ATP1B3: variants seen among roughly 807,000 people sequenced by gnomAD.
The protein encoded by ATP1B3 is ATPase Na+/K+ transporting subunit beta 3.
ATP1B3 carries 10 observed loss-of-function variants against 30.2 expected under a neutral mutation model. The observed-to-expected ratio is 0.33, with a 90% CI of 0.20 to 0.56. The LOEUF (loss-of-function observed/expected upper bound fraction) is 0.56, where lower values mean the gene tolerates loss of function less well. ATP1B3 is among the 20% of genes least tolerant of loss of function. The pLI is 0.90. For synonymous variants in ATP1B3, 113 were observed against 117.0 expected (o/e 0.97, Z 0.22); for missense variants, 238 against 336.7 (o/e 0.71, Z 2.29).
At position 141,907,229 on chromosome 3, in the gene ATP1B3, A is replaced by G. The variant is rs1934279000; in HGVS notation, c.301A>G (p.Thr101Ala). The part of the protein sequence containing the change: ...LEYTFSRSDP[T>A]SYAGYIEDLK... ...ATATACATTCAGTAGGTCTGATCCAACTTCGTATGCAGGGTACATTGAAGA... is the reference window on the plus strand; with the variant it reads ...ATATACATTCAGTAGGTCTGATCCAGCTTCGTATGCAGGGTACATTGAAGA... The change falls in exon 3 of 7, where the codon ACT becomes GCT. Residue 101 changes from threonine (T) to alanine (A), a missense_variant. Around this residue, in one of 3 missense-constraint regions of ATP1B3, gnomAD observed 130 missense variants for 148.8 expected, o/e 0.87. Transcript: ENST00000286371. 3.1e-6 allele frequency: 5 copies of G among 1,612,960 alleles called. No individual in the cohort carries two copies. Among genetic ancestry groups the G allele is most frequent in the Non-Finnish European group, 3.4e-6 (4 of 1,179,658 alleles).
intron 2 of ATP1B3, 84 bp downstream of exon 2, chr3:141,903,832 A>C: frequency 6.7e-7 from 1 of 1,492,236 alleles, no homozygotes; most frequent in Non-Finnish European, 9.1e-7. Flanking sequence ...CCCAGGCTGG[A>C]ATGCAGTGGC....
intron 1 of ATP1B3, among the ~76,000 whole-genome samples, chr3:141,885,917 A>ACACACACACC (rs1933822773): frequency 1.4e-5 from 2 of 147,314 alleles, no homozygotes; most frequent in African/African-American, 5.3e-5. Flanking sequence ...ACACACACAC[A>ACACACACACC]CACACACCCC....
intron 3 of ATP1B3, among the ~76,000 whole-genome samples, chr3:141,912,929 T>C (rs1357983171): frequency 1.3e-5 from 2 of 152,218 alleles, no homozygotes; most frequent in African/African-American, 4.8e-5. Flanking sequence ...CTAACTTGTT[T>C]TCCGGATCCT....
At chr3:141,925,494 T>A in intron 6 of ATP1B3, 37 bp from the exon 7 acceptor site, 1 of 1,555,500 alleles carries the variant, frequency 6.4e-7, no homozygotes, top group Non-Finnish European at 8.7e-7. Context: ...TAAGTTTCCA[T>A]AGAGTTTGAA....
At chr3:141,886,445 T>C (rs540642190) in intron 1 of ATP1B3, among the ~76,000 whole-genome samples, 2 of 152,320 alleles carry the variant, frequency 1.3e-5, no homozygotes, top group African/African-American at 4.8e-5. Flanking sequence ...GTTGTATCTG[T>C]ATATAAAGGT....
chr3:141,892,021 TAC>T (rs1339771694), intron 1 of ATP1B3, among the ~76,000 whole-genome samples: 2 of 152,170 alleles, frequency 1.3e-5, no homozygotes, highest in African/African-American at 4.8e-5. Context: ...GTTCTACGTA[TAC>T]TAGGTAACTG....
chr3:141,893,489 A>G (rs1305364654), intron 1 of ATP1B3, among the ~76,000 whole-genome samples: 5 of 151,982 alleles, frequency 3.3e-5, no homozygotes, highest in Admixed American at 6.6e-5. Flanking sequence ...TCTCTCCCCA[A>G]TGTCTCAACA....
At chr3:141,895,722 G>A (rs1934053288) in intron 1 of ATP1B3, among the ~76,000 whole-genome samples, 1 of 152,134 alleles carries the variant, frequency 6.6e-6, no homozygotes, top group South Asian at 2.1e-4. Flanking sequence ...TAAATATCTA[G>A]AAGTAGATTG....
intron 1 of ATP1B3, among the ~76,000 whole-genome samples, chr3:141,889,749 A>C (rs1165928382): frequency 1.3e-5 from 1 of 79,360 alleles, no homozygotes; most frequent in East Asian, 4.5e-4. Context: ...AAAAAAAAAA[A>C]AATATATACA....
chr3:141,884,570 T>C (rs948573587), intron 1 of ATP1B3, among the ~76,000 whole-genome samples: 3 of 152,180 alleles, frequency 2.0e-5, no homozygotes, highest in African/African-American at 7.2e-5. Flanking sequence ...GTCAGTGGGC[T>C]GGGAAAGGCA....
intron 3 of ATP1B3, among the ~76,000 whole-genome samples, chr3:141,911,156 A>G (rs761595644): frequency 6.6e-6 from 1 of 151,960 alleles, no homozygotes; most frequent in African/African-American, 2.4e-5. Flanking sequence ...CCACTTTGAT[A>G]ATTTCCTCAA....
At chr3:141,902,695 G>A (rs1934186885) in intron 1 of ATP1B3, among the ~76,000 whole-genome samples, 1 of 152,158 alleles carries the variant, frequency 6.6e-6, no homozygotes, top group African/African-American at 2.4e-5. Flanking sequence ...TGAAACGTGT[G>A]TCTCCCAAAT....
chr3:141,919,965 T>C (rs1255004303), intron 5 of ATP1B3, among the ~76,000 whole-genome samples: 1 of 152,082 alleles, frequency 6.6e-6, no homozygotes, highest in African/African-American at 2.4e-5. Context: ...GCTATTCGTA[T>C]ACTTAGAAAA....
chr3:141,891,217 A>G (rs1933946460), intron 1 of ATP1B3, among the ~76,000 whole-genome samples: 1 of 152,174 alleles, frequency 6.6e-6, no homozygotes, highest in Admixed American at 6.5e-5. Flanking sequence ...GTATCATCAC[A>G]CTATATAGTA....
At chr3:141,881,961 T>C (rs1933734957) in intron 1 of ATP1B3, among the ~76,000 whole-genome samples, 1 of 152,136 alleles carries the variant, frequency 6.6e-6, no homozygotes, top group African/African-American at 2.4e-5. Flanking sequence ...AAAGGGTAAG[T>C]GTATGTGTTG....
At position 141,881,158 on chromosome 3, in the gene ATP1B3, G is replaced by A. The variant is rs111909411; in HGVS notation, c.109+4248G>A. ...GTGGAGGTTACAGTGAGCCAAGATC[G>A]CGCCACTGCACTCCAGCCTGAGCGA... On this transcript the variant is annotated intron_variant, in intron 1 of 6. Transcript: ENST00000286371. Among the ~76,000 whole-genome samples the A allele has an allele frequency of 4.1e-3, 620 of 149,788 alleles. 6 individuals are homozygous for A. The highest frequency in any genetic ancestry group is 0.014 in the African/African-American group (582 of 40,480).
At chr3:141,908,019 T>A in intron 3 of ATP1B3, among the ~76,000 whole-genome samples, 1 of 151,266 alleles carries the variant, frequency 6.6e-6, no homozygotes, top group South Asian at 2.1e-4. Context: ...TTGAAATAGG[T>A]CAGTATAGTT....
chr3:141,921,673 T>C (rs1460067998), intron 5 of ATP1B3: 1 of 182,724 alleles, frequency 5.5e-6, no homozygotes, highest in Non-Finnish European at 1.1e-5. Flanking sequence ...ATTTGGTATT[T>C]GGAGGGCAGA....
intron 1 of ATP1B3, among the ~76,000 whole-genome samples, chr3:141,878,853 A>T (rs773961292): frequency 6.6e-6 from 1 of 152,204 alleles, no homozygotes; most frequent in African/African-American, 2.4e-5. Flanking sequence ...TCCCAATGTA[A>T]GGGTATCCCT....
Sources: gnomAD v4.1 joint callset for allele counts (sites outside exome capture counted in the v4.1 genomes callset) on GRCh38, gnomAD v4.1.1 for gene constraint, gnomAD v4.1.1 regional missense constraint, MANE v1.5 for transcripts, NCBI Gene and HGNC (gene_info 2026-07-23, HGNC 2026-07-21) for gene names.